The following KANSL1L variants were observed in gnomAD, a reference collection of about 807,000 sequenced individuals.
KANSL1L encodes the protein KAT8 regulatory NSL complex subunit 1-like protein.
In KANSL1L, 25 loss-of-function variants were observed where a neutral mutation model predicts 108.6. That is an observed-to-expected ratio of 0.23 (90% CI 0.17 to 0.32). The LOEUF is 0.32. Among genes scored for constraint, KANSL1L ranks in the 10% least tolerant of loss-of-function variants. KANSL1L has a pLI of 1.00. For missense variants in KANSL1L, 1,137 were observed against 1,125.7 expected (o/e 1.01, Z -0.14); for synonymous variants, 405 against 395.1 (o/e 1.03, Z -0.30).
At chr2:210,129,886 C>T (rs1206041669) in intron 2 of KANSL1L, among the ~76,000 whole-genome samples, 1 of 151,840 alleles carries the variant, frequency 6.6e-6, no homozygotes, top group African/African-American at 2.4e-5. Context: ...CCTAGCTCCT[C>T]CTAGTACCTC....
At chr2:210,034,213 G>A (rs1445348072) in intron 8 of KANSL1L, among the ~76,000 whole-genome samples, 1 of 152,190 alleles carries the variant, frequency 6.6e-6, no homozygotes, top group East Asian at 1.9e-4. Context: ...CAGGTGTTAA[G>A]GAATGCAATT....
intron 3 of KANSL1L, among the ~76,000 whole-genome samples, chr2:210,127,362 T>A (rs1202491983): frequency 1.3e-5 from 2 of 152,098 alleles, no homozygotes; most frequent in South Asian, 2.1e-4. Flanking sequence ...ATAGGGTAAG[T>A]GCTTCATGAC....
intron 2 of KANSL1L, among the ~76,000 whole-genome samples, chr2:210,145,544 A>T (rs571883196): frequency 6.6e-6 from 1 of 152,210 alleles, no homozygotes; most frequent in Non-Finnish European, 1.5e-5. Flanking sequence ...ACTGTGGTAG[A>T]AGTAGTTTCA....
chr2:210,060,884 T>C (rs2094412680), intron 6 of KANSL1L, among the ~76,000 whole-genome samples: 2 of 152,356 alleles, frequency 1.3e-5, no homozygotes, highest in African/African-American at 2.4e-5. Flanking sequence ...GCCCAGTTCA[T>C]GTTTCTAATA....
At position 210,083,150 on chromosome 2, in the gene KANSL1L, A is replaced by G. The variant is rs537532220; in HGVS notation, c.1551-7394T>C. On this transcript the variant is annotated intron_variant, in intron 5 of 14. Transcript: ENST00000281772. ...CTTACAAGGAAAGTCAAGGAACTGCAGGCAACCACCAGAAGCTAGGAAGAG... is the reference window on the plus strand; with the variant it reads ...CTTACAAGGAAAGTCAAGGAACTGCGGGCAACCACCAGAAGCTAGGAAGAG... 1.3e-4 allele frequency among the ~76,000 whole-genome samples: 20 copies of G among 152,298 alleles called. No individual in the cohort carries two copies. In the South Asian group the frequency reaches 4.2e-3, roughly 32 times the overall value.
chr2:210,074,330 T>C (rs1477274019), intron 6 of KANSL1L, among the ~76,000 whole-genome samples: 1 of 152,202 alleles, frequency 6.6e-6, no homozygotes, highest in African/African-American at 2.4e-5. Flanking sequence ...TCTAACCTTA[T>C]AAACCCTGAA....
chr2:210,021,586 TATTGA>T lies in KANSL1L; in HGVS notation c.*1358_*1362del, dbSNP rs1275826185. On this transcript the variant is annotated 3_prime_UTR_variant, in exon 15 of 15. Transcript: ENST00000281772. The stretch of plus-strand genomic sequence containing the variant: ...AAAACTACAAGCAAAAGTTTGTCAG[TATTGA>T]ATTGAATTTTTTACCCCTTAAAAGG... 6.6e-6 allele frequency: 1 copy of T among 152,670 alleles called. No individual in the cohort carries two copies. Among genetic ancestry groups the T allele is most frequent in the East Asian group, 1.9e-4 (1 of 5,190 alleles). 9.5% of individuals were successfully genotyped at this position (152,670 alleles called of 1,614,324 possible).
At chr2:210,069,277 C>T (rs573468823) in intron 6 of KANSL1L, among the ~76,000 whole-genome samples, 6 of 152,200 alleles carry the variant, frequency 3.9e-5, no homozygotes, top group Non-Finnish European at 7.3e-5. Flanking sequence ...TCACTGAAGG[C>T]ACCTTTAACA....
At chr2:210,115,094 T>C (rs1037872974) in intron 3 of KANSL1L, among the ~76,000 whole-genome samples, 13 of 152,114 alleles carry the variant, frequency 8.5e-5, no homozygotes, top group Non-Finnish European at 1.6e-4. Flanking sequence ...TCTATCCTTT[T>C]TAGTAATTAC....
At chr2:210,125,162 G>A (rs768848084) in intron 3 of KANSL1L, among the ~76,000 whole-genome samples, 5 of 152,146 alleles carry the variant, frequency 3.3e-5, no homozygotes, top group African/African-American at 1.2e-4. Context: ...GCTGAGGCAG[G>A]AGAATTGCCT....
At chr2:210,079,167 G>A (rs2094563250) in intron 5 of KANSL1L, among the ~76,000 whole-genome samples, 1 of 151,998 alleles carries the variant, frequency 6.6e-6, no homozygotes, top group African/African-American at 2.4e-5. Flanking sequence ...AAGAGGAGAA[G>A]GTCCAGAAGA....
chr2:210,138,806 T>C (rs1164952043), intron 2 of KANSL1L, among the ~76,000 whole-genome samples: 3 of 152,080 alleles, frequency 2.0e-5, no homozygotes, highest in African/African-American at 4.8e-5. Context: ...TAAGTCGAAA[T>C]GCATTGAATT....
At chr2:210,161,730 G>T (rs139563020) in intron 1 of KANSL1L, among the ~76,000 whole-genome samples, 1 of 152,106 alleles carries the variant, frequency 6.6e-6, no homozygotes, top group Non-Finnish European at 1.5e-5. Context: ...TTATCATTCA[G>T]ATTAATGCTG....
In KANSL1L at chr2:210,153,941, A is replaced by G. The variant is rs778222186; in HGVS notation, c.642T>C (p.Ala214=). 1.2e-6 allele frequency: 2 copies of G among 1,613,474 alleles called. No individual in the cohort carries two copies. The highest frequency in any genetic ancestry group is 1.7e-5 in the Admixed American group (1 of 59,986). The change falls in exon 2 of 15, where the codon GCT becomes GCC. Residue 214 remains alanine, a synonymous_variant. Transcript: ENST00000281772. ...GAGCATGTACTTCCTCCTCTTTTTC[A>G]GCAGCTGAAGAACTAACAGGCACAT... The part of the protein sequence containing the change: ...HSNVPVSSSA[A]EKEEEVHARL...
In KANSL1L at chr2:210,153,595, C is replaced by G. The variant is rs1389118553; in HGVS notation, c.988G>C (p.Gly330Arg). 2 of 1,613,858 alleles carry G rather than the reference C, an allele frequency of 1.2e-6. No individual in the cohort carries two copies. Residue 330 changes from glycine (G) to arginine (R), a missense_variant, in exon 2 of 15, where the codon GGG (glycine) becomes CGG (arginine). Coordinates refer to ENST00000281772, the MANE Select transcript of KANSL1L (RefSeq NM_152519.4). ...EIQRFAFSAT[G>R]LLSHVEEGLD... ...CCCTCTTCAACATGAGACAACAGCCCTGTAGCAGAAAATGCAAATCTTTGG... is the reference window on the plus strand; with the variant it reads ...CCCTCTTCAACATGAGACAACAGCCGTGTAGCAGAAAATGCAAATCTTTGG...
intron 2 of KANSL1L, among the ~76,000 whole-genome samples, chr2:210,139,212 ATGT>A (rs1322827151): frequency 6.6e-6 from 1 of 152,244 alleles, no homozygotes; most frequent in Non-Finnish European, 1.5e-5. Context: ...TCAACACGGT[ATGT>A]TATTATTAAC....
At chr2:210,043,766 A>C in intron 7 of KANSL1L, 173 bp downstream of exon 7, 1 of 441,378 alleles carries the variant, frequency 2.3e-6, no homozygotes, top group Non-Finnish European at 4.0e-6. Context: ...TTAACCGTGC[A>C]TGTGACTAGA....
At chr2:210,129,659 A>G (rs1331578083) in intron 2 of KANSL1L, among the ~76,000 whole-genome samples, 4 of 152,208 alleles carry the variant, frequency 2.6e-5, no homozygotes. Flanking sequence ...CATCGTTATT[A>G]GCTAATTATT....
chr2:210,083,602 G>T (rs2094608865), intron 5 of KANSL1L, among the ~76,000 whole-genome samples: 1 of 151,948 alleles, frequency 6.6e-6, no homozygotes, highest in Non-Finnish European at 1.5e-5. Context: ...TCAAATTTGG[G>T]TGGATCACGA....
Sources: allele counts gnomAD v4.1 joint callset (sites outside exome capture counted in the v4.1 genomes callset), GRCh38; gene constraint gnomAD v4.1.1; transcripts MANE v1.5; gene names NCBI Gene and HGNC (gene_info 2026-07-23, HGNC 2026-07-21).